Variants in DNM3 observed in about 807,000 individuals in gnomAD.
DNM3 encodes the protein dynamin-3.
DNM3 carries 47 observed loss-of-function variants against 101.6 expected under a neutral mutation model. That is an observed-to-expected ratio of 0.46 (90% CI 0.37 to 0.59). The LOEUF (loss-of-function observed/expected upper bound fraction) is 0.59, where lower values mean the gene tolerates loss of function less well. DNM3 is among the 20% of genes least tolerant of loss of function. The probability of loss-of-function intolerance (pLI) is 0.00; values close to 1 mark genes in which losing one functional copy is unlikely to be tolerated. For missense variants in DNM3, 849 were observed against 1,085.7 expected (o/e 0.78, Z 3.06); for synonymous variants, 385 against 387.9 (o/e 0.99, Z 0.09).
chr1:172,218,520 T>A (rs1371901663), intron 14 of DNM3, among the ~76,000 whole-genome samples: 2 of 152,152 alleles, frequency 1.3e-5, no homozygotes, highest in Non-Finnish European at 2.9e-5. Context: ...AATATGATGT[T>A]ATTTACAATA....
chr1:172,108,155 A>G (rs2055202144), intron 13 of DNM3, among the ~76,000 whole-genome samples: 1 of 152,068 alleles, frequency 6.6e-6, no homozygotes, highest in Non-Finnish European at 1.5e-5. Context: ...CTATTCGAGA[A>G]CAATCTTACT....
rs113930937 is a variant in DNM3 at position 171,853,530 on chromosome 1, C to G, written c.161+11713C>G. Among the ~76,000 whole-genome samples the G allele has an allele frequency of 4.2e-3, 646 of 152,264 alleles. 6 individuals carry two copies. The highest frequency in any genetic ancestry group is 0.015 in the African/African-American group (616 of 41,544). ...TCTGCTTTTCTAATTGACCCAATTT[C>G]TTTCAGTGGTATACTAGTCTAGAAA... is the stretch of plus-strand genomic sequence containing the variant. On this transcript the variant is annotated intron_variant, in intron 1 of 20. Coordinates refer to ENST00000627582, the MANE Select transcript of DNM3 (RefSeq NM_015569.5).
intron 10 of DNM3, among the ~76,000 whole-genome samples, chr1:172,062,883 G>C (rs1328259435): frequency 6.6e-6 from 1 of 152,140 alleles, no homozygotes; most frequent in Non-Finnish European, 1.5e-5. Flanking sequence ...GTTGTGCGCA[G>C]ATGACTGCCT....
At chr1:172,273,797 G>A (rs1185218002) in intron 15 of DNM3, among the ~76,000 whole-genome samples, 1 of 152,004 alleles carries the variant, frequency 6.6e-6, no homozygotes, top group African/African-American at 2.4e-5. Context: ...GTTTTGATCT[G>A]GAGAAACATC....
At chr1:172,073,691 CA>C (rs1217332975) in intron 11 of DNM3, among the ~76,000 whole-genome samples, 1 of 152,146 alleles carries the variant, frequency 6.6e-6, no homozygotes, top group East Asian at 1.9e-4. Context: ...CAAATACTCA[CA>C]ATAGTCACCA....
intron 2 of DNM3, among the ~76,000 whole-genome samples, chr1:171,978,974 A>C (rs1190378972): frequency 1.3e-5 from 2 of 152,164 alleles, no homozygotes; most frequent in African/African-American, 4.8e-5. Context: ...TATATATATA[A>C]AATTTTAAGG....
intron 14 of DNM3, among the ~76,000 whole-genome samples, chr1:172,245,308 A>G (rs576896415): frequency 5.3e-5 from 8 of 152,320 alleles, no homozygotes; most frequent in African/African-American, 1.4e-4. Flanking sequence ...TTGTAGTTGG[A>G]AAGGCAGAGC....
At chr1:172,083,276 G>GT (rs202089547) in intron 12 of DNM3, among the ~76,000 whole-genome samples, 3 of 150,354 alleles carry the variant, frequency 2.0e-5, no homozygotes, top group South Asian at 4.2e-4. Context: ...TCTATAGTGG[G>GT]TGGGGGGGGA....
At chr1:172,044,332 A>G in intron 8 of DNM3, 53 bp from the exon 9 acceptor site, 3 of 1,439,490 alleles carry the variant, frequency 2.1e-6, no homozygotes, top group Non-Finnish European at 2.9e-6. Flanking sequence ...ATGTTCAACA[A>G]TATTATTCAA....
chr1:171,928,789 G>A (rs927252049), intron 2 of DNM3, among the ~76,000 whole-genome samples: 5 of 152,120 alleles, frequency 3.3e-5, no homozygotes, highest in African/African-American at 7.2e-5. Context: ...GGACCTTCCC[G>A]GTGAGGAGAT....
At chr1:171,876,971 A>C (rs2035843934) in intron 1 of DNM3, among the ~76,000 whole-genome samples, 1 of 152,226 alleles carries the variant, frequency 6.6e-6, no homozygotes, top group African/African-American at 2.4e-5. Flanking sequence ...GAACATGTGA[A>C]ATACTTGTGT....
At chr1:172,133,428 G>A (rs1234904964) in intron 14 of DNM3, 4 of 985,582 alleles carry the variant, frequency 4.1e-6, no homozygotes, top group African/African-American at 3.5e-5. Context: ...TGTGTGCTGT[G>A]TATAACCAAG....
intron 1 of DNM3, among the ~76,000 whole-genome samples, chr1:171,855,463 C>T (rs963611570): frequency 4.6e-5 from 7 of 152,158 alleles, no homozygotes; most frequent in African/African-American, 9.7e-5. Flanking sequence ...TACTCCTTTC[C>T]GCAATGGTTG....
chr1:172,304,944 T>C (rs1442684801), intron 15 of DNM3, among the ~76,000 whole-genome samples: 1 of 152,136 alleles, frequency 6.6e-6, no homozygotes, highest in East Asian at 1.9e-4. Context: ...AGATCCAAAA[T>C]TGACACCCTA....
At chr1:172,162,241 T>A (rs1437223234) in intron 14 of DNM3, among the ~76,000 whole-genome samples, 1 of 152,074 alleles carries the variant, frequency 6.6e-6, no homozygotes, top group Non-Finnish European at 1.5e-5. Flanking sequence ...TCTAATGAGA[T>A]AATTTAAACT....
chr1:172,196,986 C>A (rs370073404), intron 14 of DNM3, among the ~76,000 whole-genome samples: 1 of 152,002 alleles, frequency 6.6e-6, no homozygotes, highest in East Asian at 1.9e-4. Context: ...TTTGCCTTTT[C>A]CTATGTCCAG....
intron 16 of DNM3, among the ~76,000 whole-genome samples, chr1:172,322,385 C>G (rs1337204842): frequency 6.6e-6 from 1 of 152,328 alleles, no homozygotes; most frequent in African/African-American, 2.4e-5. Flanking sequence ...CGGCCCATAT[C>G]CCATCACGTC....
intron 1 of DNM3, among the ~76,000 whole-genome samples, chr1:171,918,003 C>T: frequency 6.6e-6 from 1 of 152,130 alleles, no homozygotes; most frequent in East Asian, 1.9e-4. Context: ...AGTGCTTTGG[C>T]TCCCTGTTGC....
intron 1 of DNM3, among the ~76,000 whole-genome samples, chr1:171,843,020 G>A (rs567936901): frequency 1.3e-5 from 2 of 152,202 alleles, no homozygotes; most frequent in East Asian, 3.9e-4. Context: ...GATGCAGAAG[G>A]TTCCTGTTTC....
Sources: allele counts gnomAD v4.1 joint callset (sites outside exome capture counted in the v4.1 genomes callset), GRCh38; gene constraint gnomAD v4.1.1; transcripts MANE v1.5; gene names NCBI Gene and HGNC (gene_info 2026-07-23, HGNC 2026-07-21).